The following CHSY3 variants were observed in gnomAD, a reference collection of about 807,000 sequenced individuals.
CHSY3 encodes N-acetylgalactosaminyl-proteoglycan 3-beta-glucuronosyltransferase 3.
In CHSY3, 35 loss-of-function variants were observed where a neutral mutation model predicts 67.2. That is an observed-to-expected ratio of 0.52 (90% CI 0.40 to 0.69). The LOEUF (loss-of-function observed/expected upper bound fraction) is 0.69, where lower values mean the gene tolerates loss of function less well. Among genes scored for constraint, CHSY3 ranks in the 30% least tolerant of loss-of-function variants. The pLI is 0.00. For missense variants in CHSY3, 1,069 were observed against 1,138.5 expected (o/e 0.94, Z 0.88); for synonymous variants, 474 against 434.7 (o/e 1.09, Z -1.12).
intron 2 of CHSY3, among the ~76,000 whole-genome samples, chr5:130,164,198 C>G (rs892323440): frequency 1.3e-5 from 2 of 152,158 alleles, no homozygotes; most frequent in African/African-American, 4.8e-5. Context: ...TGATCTATAT[C>G]TTCCTTGAGG....
chr5:129,945,529 C>T (rs1761826793), intron 2 of CHSY3, among the ~76,000 whole-genome samples: 1 of 151,816 alleles, frequency 6.6e-6, no homozygotes, highest in South Asian at 2.1e-4. Flanking sequence ...ATATCAAGTC[C>T]CTGAGGGTAT....
At chr5:129,966,272 A>C (rs1161776140) in intron 2 of CHSY3, among the ~76,000 whole-genome samples, 1 of 152,000 alleles carries the variant, frequency 6.6e-6, no homozygotes, top group South Asian at 2.1e-4. Context: ...CTTGTGCATA[A>C]CAGGAACTCA....
intron 2 of CHSY3, among the ~76,000 whole-genome samples, chr5:130,088,335 A>T (rs1766741259): frequency 6.7e-6 from 1 of 148,504 alleles, no homozygotes; most frequent in Non-Finnish European, 1.5e-5. Flanking sequence ...AAAACACCAA[A>T]AGCAATGGCA....
intron 2 of CHSY3, among the ~76,000 whole-genome samples, chr5:130,079,682 C>A (rs1013557142): frequency 6.6e-6 from 1 of 152,028 alleles, no homozygotes; most frequent in Non-Finnish European, 1.5e-5. Flanking sequence ...TAAAACTTCC[C>A]AAGTCTTGTT....
chr5:130,125,195 C>T (rs1452773857), intron 2 of CHSY3, among the ~76,000 whole-genome samples: 2 of 152,182 alleles, frequency 1.3e-5, no homozygotes, highest in South Asian at 2.1e-4. Flanking sequence ...GTCCTGCAAC[C>T]ATGGCTCACA....
chr5:129,924,197 A>C (rs924457786), intron 2 of CHSY3, among the ~76,000 whole-genome samples: 1 of 152,178 alleles, frequency 6.6e-6, no homozygotes, highest in East Asian at 1.9e-4. Context: ...CTTCCTAGAG[A>C]GCTTCCCCCA....
chr5:130,152,967 C>T (rs1465328679), intron 2 of CHSY3, among the ~76,000 whole-genome samples: 1 of 152,178 alleles, frequency 6.6e-6, no homozygotes, highest in African/African-American at 2.4e-5. Context: ...CGGCTCACAC[C>T]TGTAATCAGT....
rs1174657766 is a variant in CHSY3, at chr5:130,020,422, AATATATATATATATATAT to A, written c.1086+112085_1086+112102del. On this transcript the variant is annotated intron_variant, in intron 2 of 2. Coordinates refer to ENST00000305031, the MANE Select transcript of CHSY3 (RefSeq NM_175856.5). ...GCAACAAAGCAAGACTTCATCTCAAAATATATATATATATATATATATATATATATATATATATATTTT... is the reference window on the plus strand; with the variant it reads ...GCAACAAAGCAAGACTTCATCTCAAAATATATATATATATATATATATTTT... 3.8e-3 allele frequency among the ~76,000 whole-genome samples: 128 copies of A among 33,368 alleles called. 9 individuals carry two copies. The highest frequency in any genetic ancestry group is 1.0e-2 in the South Asian group (5 of 502). The allele number at this position is 33,368 out of a possible 152,430, so 21.9% of individuals were successfully genotyped here. A position where few individuals can be genotyped will look rare whatever the true frequency, so the allele number is the denominator to read the frequency against.
chr5:129,913,269 G>C (rs1423426265), intron 2 of CHSY3, among the ~76,000 whole-genome samples: 4 of 152,040 alleles, frequency 2.6e-5, no homozygotes, highest in Non-Finnish European at 5.9e-5. Flanking sequence ...GCTTACATAG[G>C]CATAAAAGTT....
In CHSY3 at chr5:130,185,755, A is replaced by G. The variant is rs561079307; in HGVS notation, c.2613A>G (p.Lys871=). Residue 871 remains lysine, a synonymous_variant, in exon 3 of 3, where the codon AAA becomes AAG. Coordinates refer to ENST00000305031, the MANE Select transcript of CHSY3 (RefSeq NM_175856.5). ...AACTGGCTGAACTCTGGCTTGAAAA[A>G]CATTTAGGTGTCAGGTACAATCGAA... is the stretch of plus-strand genomic sequence containing the variant. ...TMQLAELWLE[K]HLGVRYNRTL... The G allele has an allele frequency of 2.8e-5, 45 of 1,609,412 alleles. No individual in the cohort carries two copies. The East Asian group carries it at 8.9e-4, about 32-fold the overall frequency.
chr5:129,907,352 A>G (rs1301187768), intron 1 of CHSY3, among the ~76,000 whole-genome samples: 1 of 152,226 alleles, frequency 6.6e-6, no homozygotes, highest in African/African-American at 2.4e-5. Flanking sequence ...TGCTGTGCTC[A>G]TCAAAAATGG....
At chr5:129,949,889 C>T (rs984119101) in intron 2 of CHSY3, among the ~76,000 whole-genome samples, 6 of 152,002 alleles carry the variant, frequency 3.9e-5, no homozygotes, top group African/African-American at 1.2e-4. Context: ...ATAGGCTGGG[C>T]GCGGTGGCTC....
chr5:130,089,366 G>A lies in CHSY3; in HGVS notation c.1087-94863G>A, dbSNP rs1766794627. ...GTGCACATGTACCCTGAAACTTAAAGTATAATAATAATAAAATAAAAATTA... is the reference window on the plus strand; with the variant it reads ...GTGCACATGTACCCTGAAACTTAAAATATAATAATAATAAAATAAAAATTA... On this transcript the variant is annotated intron_variant, in intron 2 of 2. Coordinates refer to ENST00000305031, the MANE Select transcript of CHSY3 (RefSeq NM_175856.5). Among the ~76,000 whole-genome samples, 6 of 151,146 alleles carry A rather than the reference G, an allele frequency of 4.0e-5. No individual in the cohort carries two copies. In the South Asian group the frequency reaches 1.3e-3, roughly 32 times the overall value.
chr5:130,021,480 A>T lies in CHSY3; in HGVS notation c.1086+113120A>T, dbSNP rs141191805. Among the ~76,000 whole-genome samples, 571 of 152,264 alleles carry T rather than the reference A, an allele frequency of 3.8e-3. 2 individuals carry two copies. The highest frequency in any genetic ancestry group is 0.01 in the Middle Eastern group (3 of 294). ...AGAGAATAAATAGAAAATAAAAAAG[A>T]ATTGTTTTTCTTGTCAGTTTCCATG... On this transcript the variant is annotated intron_variant, in intron 2 of 2. Transcript: ENST00000305031.
intron 2 of CHSY3, among the ~76,000 whole-genome samples, chr5:130,017,138 G>A (rs1008401068): frequency 3.3e-5 from 5 of 152,066 alleles, no homozygotes; most frequent in African/African-American, 1.2e-4. Context: ...TTTCTTTATA[G>A]TGGTTTGAAG....
intron 2 of CHSY3, among the ~76,000 whole-genome samples, chr5:129,953,761 G>C (rs1762092521): frequency 6.6e-6 from 1 of 152,110 alleles, no homozygotes; most frequent in African/African-American, 2.4e-5. Flanking sequence ...ATGTTTGTTG[G>C]CCGCATAAGT....
intron 2 of CHSY3, among the ~76,000 whole-genome samples, chr5:130,166,975 C>A (rs1769763888): frequency 6.6e-6 from 1 of 151,886 alleles, no homozygotes; most frequent in Non-Finnish European, 1.5e-5. Flanking sequence ...AGAAAAATTA[C>A]TAAAGGTGGA....
intron 2 of CHSY3, among the ~76,000 whole-genome samples, chr5:130,112,923 C>G (rs1767633915): frequency 1.3e-5 from 2 of 152,026 alleles, no homozygotes; most frequent in Admixed American, 1.3e-4. Flanking sequence ...GGCTAAATAA[C>G]TCAGTGATTA....
At chr5:130,061,846 A>G (rs1765723286) in intron 2 of CHSY3, among the ~76,000 whole-genome samples, 1 of 152,088 alleles carries the variant, frequency 6.6e-6, no homozygotes, top group Non-Finnish European at 1.5e-5. Flanking sequence ...TAAAACCGCA[A>G]TGAAATAGCA....
Sources: gnomAD v4.1 joint callset for allele counts (sites outside exome capture counted in the v4.1 genomes callset) on GRCh38, gnomAD v4.1.1 for gene constraint, MANE v1.5 for transcripts, NCBI Gene and HGNC (gene_info 2026-07-23, HGNC 2026-07-21) for gene names.